The following FASN variants were observed in gnomAD, a reference collection of about 807,000 sequenced individuals.
FASN encodes the protein fatty acid synthase.
FASN carries 50 observed loss-of-function variants against 250.0 expected under a neutral mutation model. That is an observed-to-expected ratio of 0.20 (90% CI 0.16 to 0.25). The LOEUF is 0.25. FASN is among the 10% of genes least tolerant of loss of function. FASN has a pLI of 1.00. For synonymous variants in FASN, 1,909 were observed against 1,584.0 expected (o/e 1.21, Z -4.87); for missense variants, 3,031 against 3,498.5 (o/e 0.87, Z 3.37).
rs752393101 is a variant in FASN at position 82,088,075 on chromosome 17, C to T, written c.2785+41G>A. ...GTTGGAGATCAGAGGGCAGCACCCG[C>T]CCCCCAGCTACCCCCGCCTTGGTCC... On this transcript the variant is annotated intron_variant, in intron 17 of 42. Transcript: ENST00000306749. 4 of 1,612,336 alleles carry T rather than the reference C, an allele frequency of 2.5e-6. No individual in the cohort carries two copies. The African/African-American group carries it at 4.0e-5, about 16-fold the overall frequency.
chr17:82,085,138 C>T lies in FASN; in HGVS notation c.4306G>A (p.Asp1436Asn), dbSNP rs750800360. ...TTCAGCCACACAGGCCGGGAAGAGT[C>T]TTCGTCAGCCAGGATGCCCTACAGC... ...ESLKGILADE[D>N]SSRPVWLKAI... Residue 1436 changes from aspartate (D) to asparagine (N), a missense_variant, in exon 25 of 43, where the codon GAC becomes AAC. Coordinates refer to ENST00000306749, the MANE Select transcript of FASN (RefSeq NM_004104.5). The T allele has an allele frequency of 1.2e-6, 2 of 1,612,464 alleles. No individual in the cohort carries two copies. The highest frequency in any genetic ancestry group is 1.3e-5 in the African/African-American group (1 of 74,914).
In FASN at chr17:82,087,423, G is replaced by C; in HGVS notation, c.3125C>G (p.Ala1042Gly). 6.2e-7 allele frequency: 1 copy of C among 1,612,622 alleles called. No individual in the cohort carries two copies. Among genetic ancestry groups the C allele is most frequent in the Non-Finnish European group, 8.5e-7 (1 of 1,179,990 alleles). The change falls in exon 20 of 43, where the codon GCC becomes GGC. Residue 1042 changes from alanine to glycine, a missense_variant. Coordinates refer to ENST00000306749, the MANE Select transcript of FASN (RefSeq NM_004104.5). ...TMLQMSILGSAKHGLYLPTRV... is the reference protein window; with the variant it reads ...TMLQMSILGSGKHGLYLPTRV... ...GGTGGGCAGGTACAGGCCGTGCTTG[G>C]CCGAGCCCAGGATGGACATCTGCAG...
At position 82,085,763 on chromosome 17, in the gene FASN, C is replaced by T; in HGVS notation, c.3841G>A (p.Glu1281Lys). 3 of 1,565,480 alleles carry T rather than the reference C, an allele frequency of 1.9e-6. No homozygotes were observed. Among genetic ancestry groups the T allele is most frequent in the East Asian group, 2.4e-5 (1 of 42,230 alleles). ...TATDRHPQAL[E>K]AAQAELQQHD... is the part of the protein sequence containing the mutation. Reference sequence around the variant, plus strand: ...TGCTGCAGCTCGGCCTGGGCAGCCTCCAGGGCCTGGGGGTGGCGGTCGGTG... The same window carrying T: ...TGCTGCAGCTCGGCCTGGGCAGCCTTCAGGGCCTGGGGGTGGCGGTCGGTG... Residue 1281 changes from glutamate to lysine, a missense_variant, in exon 23 of 43, where the codon GAG (glutamate) becomes AAG (lysine). Physicochemically the swap from Glu to Lys is moderately conservative, Grantham distance 56. Coordinates refer to ENST00000306749, the MANE Select transcript of FASN (RefSeq NM_004104.5).
chr17:82,084,158 G>A lies in FASN; in HGVS notation c.4920-5C>T. On this transcript the variant is annotated splice_polypyrimidine_tract_variant and splice_region_variant and intron_variant, in intron 28 of 42. Coordinates refer to ENST00000306749, the MANE Select transcript of FASN (RefSeq NM_004104.5). ...GAGGCCGCCTCCTCCAGCGTCCTGG[G>A]GATGCAGCAGGTGGGTCAGCACAGG... 1 of 1,602,212 alleles carries A rather than the reference G, an allele frequency of 6.2e-7. No homozygotes were observed. Among genetic ancestry groups the A allele is most frequent in the Non-Finnish European group, 8.5e-7 (1 of 1,175,350 alleles).
chr17:82,088,383 T>C lies in FASN; in HGVS notation c.2593+7A>G, dbSNP rs2034143665. 2 of 1,612,070 alleles carry C rather than the reference T, an allele frequency of 1.2e-6. No individual in the cohort carries two copies. Among genetic ancestry groups the C allele is most frequent in the Middle Eastern group, 1.7e-4 (1 of 6,056 alleles). On this transcript the variant is annotated splice_region_variant and intron_variant, in intron 16 of 42. Coordinates refer to ENST00000306749, the MANE Select transcript of FASN (RefSeq NM_004104.5). ...AGAGTCTGCCCACCCGCCGGGCCCC[T>C]GCTCACCGATGTTGTAGATGGCGGC...
intron 10 of FASN, 93 bp from the exon 11 acceptor site, chr17:82,090,657 C>T (rs952655827): frequency 3.7e-5 from 46 of 1,248,012 alleles, no homozygotes; most frequent in Non-Finnish European, 4.8e-5. Context: ...TCCACCCCCG[C>T]GCCCCATCGA....
At position 82,095,302 on chromosome 17, in the gene FASN, C is replaced by G; in HGVS notation, c.280+18G>C. 4 of 1,612,396 alleles carry G rather than the reference C, an allele frequency of 2.5e-6. No individual in the cohort carries two copies. Among genetic ancestry groups the G allele is most frequent in the Non-Finnish European group, 3.4e-6 (4 of 1,179,754 alleles). On this transcript the variant is annotated intron_variant, in intron 3 of 42. Transcript: ENST00000306749. ...CAGCAGGAGCCCTCGGCGCAGCAGTCGCGAATGCCCGACCCACCTCCGTCC... is the reference window on the plus strand; with the variant it reads ...CAGCAGGAGCCCTCGGCGCAGCAGTGGCGAATGCCCGACCCACCTCCGTCC...
chr17:82,092,647 G>A (rs369178213), intron 7 of FASN, 50 bp downstream of exon 7: 104 of 1,585,652 alleles, frequency 6.6e-5, no homozygotes, highest in African/African-American at 6.4e-4. Context: ...AGGCATGGGC[G>A]TAGGTTAGGC....
chr17:82,083,720 C>G, intron 30 of FASN, 52 bp downstream of exon 30: 1 of 1,608,632 alleles, frequency 6.2e-7, no homozygotes, highest in South Asian at 1.1e-5. Flanking sequence ...CCTGCTTCTC[C>G]CTGGGCCGGA....
intron 37 of FASN, 121 bp downstream of exon 37, chr17:82,081,480 C>G: frequency 6.3e-7 from 1 of 1,581,102 alleles, no homozygotes; most frequent in Non-Finnish European, 8.6e-7. Flanking sequence ...GTGACACCTG[C>G]GCCCGCACCC....
At position 82,083,357 on chromosome 17, in the gene FASN, T is replaced by C; in HGVS notation, c.5410A>G (p.Ser1804Gly). ...VLLDAFFNES[S>G]ADWREVWALV... ...GCCCACACCTCCCGCCAGTCAGCAC[T>C]GCTCTCGTTGAAGAACGCATCCAGT... is the stretch of plus-strand genomic sequence containing the variant. Residue 1804 changes from serine to glycine, a missense_variant, in exon 32 of 43, where the codon AGT becomes GGT. Physicochemically the swap from Ser to Gly is moderately conservative, Grantham distance 56. Transcript: ENST00000306749. 6 of 1,612,854 alleles carry C rather than the reference T, an allele frequency of 3.7e-6. No homozygotes were observed. The highest frequency in any genetic ancestry group is 5.1e-6 in the Non-Finnish European group (6 of 1,179,992).
chr17:82,095,578 C>T, intron 2 of FASN, 106 bp from the exon 3 acceptor site: 1 of 1,377,494 alleles, frequency 7.3e-7, no homozygotes, highest in South Asian at 1.2e-5. Flanking sequence ...ACTGAGGACT[C>T]TCTGCTATGC....
Position 82,098,186 on chromosome 17 carries a change from G to A in FASN, c.-73C>T. On this transcript the variant is annotated 5_prime_UTR_variant, in exon 1 of 43. Transcript: ENST00000306749. Reference sequence around the variant, plus strand: ...AGGCTGGAGCGCGGCGGAGCGGGAGGCTGAAGCGCGGCGGAGAGGGAGGCC... The same window carrying A: ...AGGCTGGAGCGCGGCGGAGCGGGAGACTGAAGCGCGGCGGAGAGGGAGGCC... 5.5e-6 allele frequency: 2 copies of A among 363,706 alleles called. No individual in the cohort carries two copies. Among genetic ancestry groups the A allele is most frequent in the Non-Finnish European group, 9.8e-6 (2 of 203,530 alleles). 22.5% of individuals were successfully genotyped at this position (363,706 alleles called of 1,614,324 possible).
In FASN at chr17:82,082,628, G is replaced by C; in HGVS notation, c.5818C>G (p.Gln1940Glu). 6.2e-7 allele frequency: 1 copy of C among 1,610,802 alleles called. No homozygotes were observed. Among genetic ancestry groups the C allele is most frequent in the Non-Finnish European group, 8.5e-7 (1 of 1,179,884 alleles). The change falls in exon 34 of 43, where the codon CAG becomes GAG. Residue 1940 changes from glutamine to glutamate, a missense_variant. Physicochemically the swap from Gln to Glu is conservative, Grantham distance 29 (BLOSUM62 2). Coordinates refer to ENST00000306749, the MANE Select transcript of FASN (RefSeq NM_004104.5). ...GAGCTGATGTTGCTGGTGGACACCT[G>C]CACCTGTACGCCCTGGCGCCTCCAC... ...RRWRRQGVQV[Q>E]VSTSNISSLE...
chr17:82,084,328 T>C lies in FASN; in HGVS notation c.4825A>G (p.Ser1609Gly). 1 of 1,609,962 alleles carries C rather than the reference T, an allele frequency of 6.2e-7. No homozygotes were observed. The highest frequency in any genetic ancestry group is 1.7e-5 in the Admixed American group (1 of 59,624). Residue 1609 changes from serine (S) to glycine (G), a missense_variant, in exon 28 of 43, where the codon AGC becomes GGC. By Grantham distance (56) the Ser-to-Gly change is moderately conservative. Transcript: ENST00000306749. ...ACCAGTCCCATCACACGCTTGCCGC[T>C]GGCGTCTCGGCCCGAGAACTCCATA... ...LGMEFSGRDA[S>G]GKRVMGLVPA...
At position 82,081,973 on chromosome 17, in the gene FASN, G is replaced by C. The variant is rs764217085; in HGVS notation, c.6163+36C>G. The C allele has an allele frequency of 5.1e-6, 8 of 1,576,338 alleles. No individual in the cohort carries two copies. The African/African-American group carries it at 1.1e-4, about 21-fold the overall frequency. The stretch of plus-strand genomic sequence containing the variant: ...GGGGAGTGGCCACTGGGAGAGGGCA[G>C]GGTGGGCAGGGTCGAGGGGAGAGGG... On this transcript the variant is annotated intron_variant, in intron 36 of 42. Transcript: ENST00000306749.
intron 37 of FASN, 120 bp downstream of exon 37, chr17:82,081,481 G>A (rs1242437690): frequency 2.0e-5 from 31 of 1,581,188 alleles, no homozygotes; most frequent in South Asian, 6.6e-5. Flanking sequence ...TGACACCTGC[G>A]CCCGCACCCT....
chr17:82,087,121 A>G lies in FASN; in HGVS notation c.3356T>C (p.Phe1119Ser). ...QQVPILEKFC[F>S]TPHTEEGCLS... ...GCACCCCTCCTCCGTGTGGGGAGTG[A>G]AGCAAAACTTCTCCAGGATGGGCAC... Residue 1119 changes from phenylalanine (F) to serine (S), a missense_variant, in exon 21 of 43, where the codon TTC (phenylalanine) becomes TCC (serine). Transcript: ENST00000306749. 1 of 1,612,116 alleles carries G rather than the reference A, an allele frequency of 6.2e-7. No homozygotes were observed. The highest frequency in any genetic ancestry group is 8.5e-7 in the Non-Finnish European group (1 of 1,179,850).
chr17:82,097,968 G>A (rs1055366912), intron 1 of FASN, among the ~76,000 whole-genome samples, 153 bp downstream of exon 1: 2 of 151,940 alleles, frequency 1.3e-5, no homozygotes, highest in African/African-American at 4.8e-5. Context: ...CACGAACACC[G>A]AGACCCGGAC....
Sources: allele counts gnomAD v4.1 joint callset (sites outside exome capture counted in the v4.1 genomes callset), GRCh38; gene constraint gnomAD v4.1.1; transcripts MANE v1.5; gene names NCBI Gene and HGNC (gene_info 2026-07-23, HGNC 2026-07-21).